The following NIBAN2 variants were observed in gnomAD, a reference collection of about 807,000 sequenced individuals.
NIBAN2 encodes the protein protein Niban 2.
A neutral mutation model predicts 81.8 loss-of-function variants in NIBAN2; 36 were observed. That is an observed-to-expected ratio of 0.44 (90% CI 0.34 to 0.58). The LOEUF (loss-of-function observed/expected upper bound fraction) is 0.58, where lower values mean the gene tolerates loss of function less well. Among genes scored for constraint, NIBAN2 ranks in the 20% least tolerant of loss-of-function variants. The pLI is 0.02. For synonymous variants in NIBAN2, 445 were observed against 441.6 expected, an observed-to-expected ratio of 1.01 and a Z score of -0.10; for missense variants, 897 against 1,014.1, an observed-to-expected ratio of 0.88 and a Z score of 1.57.
At chr9:127,553,182 T>C (rs1189173247) in intron 1 of NIBAN2, among the ~76,000 whole-genome samples, 2 of 152,336 alleles carry the variant, frequency 1.3e-5, no homozygotes, top group South Asian at 2.1e-4. Context: ...CTATTGCTTA[T>C]GTAACAATAA....
In NIBAN2 at chr9:127,510,326, G is replaced by A. The variant is rs1836712128; in HGVS notation, c.981C>T (p.Ile327=). 6.2e-7 allele frequency: 1 copy of A among 1,600,976 alleles called. No homozygotes were observed. Among genetic ancestry groups the A allele is most frequent in the Non-Finnish European group, 8.5e-7 (1 of 1,170,292 alleles). ...GCACGCACACCTCTGCCTTGGGGAG[G>A]ATGAAGGCTGTGCCCCGAGGGAGCC... ...EHLASKIRAF[I]LPKAEVCVRN... Residue 327 remains isoleucine (I), a synonymous_variant, in exon 9 of 14, where the codon ATC becomes ATT. Coordinates refer to ENST00000373312, the MANE Select transcript of NIBAN2 (RefSeq NM_022833.4).
rs1290522722 is a variant in NIBAN2, at chr9:127,510,072, CG to C, written c.1161+73del. On this transcript the variant is annotated intron_variant, in intron 9 of 13. Transcript: ENST00000373312. ...GGAGGGGAACGGCTGCCCGGAGTCA[CG>C]CAGCCGGGGCCCTCTGGGACAGACC... 2.2e-5 allele frequency: 31 copies of C among 1,401,292 alleles called. No homozygotes were observed. The East Asian group carries it at 5.5e-4, about 25-fold the overall frequency. 86.8% of individuals were successfully genotyped at this position (1,401,292 alleles called of 1,614,324 possible).
At chr9:127,569,249 C>T (rs1837916301), upstream of NIBAN2, among the ~76,000 whole-genome samples, 1 of 145,316 alleles carries the variant, frequency 6.9e-6, no homozygotes, top group Non-Finnish European at 1.5e-5. Flanking sequence ...CACCCAGCCC[C>T]TCCAGGGCCC....
Position 127,527,302 on chromosome 9 carries a change from G to T in NIBAN2, c.207C>A (p.Ile69=). ...GCTGGAAGAGGTTCCCCGAGAAGAC[G>T]ATGCGCTCGTCCAGTGGCACCTGTG... The part of the protein sequence containing the change: ...LWRKVPLDER[I]VFSGNLFQHQ... Residue 69 remains isoleucine (I), a synonymous_variant, in exon 3 of 14, where the codon ATC becomes ATA. Transcript: ENST00000373312. 1 of 1,613,602 alleles carries T rather than the reference G, an allele frequency of 6.2e-7. No individual in the cohort carries two copies. The highest frequency in any genetic ancestry group is 8.5e-7 in the Non-Finnish European group (1 of 1,179,910).
At chr9:127,568,388 G>C (rs937784545) in intron 1 of NIBAN2, among the ~76,000 whole-genome samples, 12 of 152,164 alleles carry the variant, frequency 7.9e-5, no homozygotes, top group Non-Finnish European at 1.2e-4. Flanking sequence ...AGCTGGGGAC[G>C]GGACGGCTGG....
chr9:127,559,589 C>T lies in NIBAN2; in HGVS notation c.55+9231G>A, dbSNP rs974568461. Among the ~76,000 whole-genome samples, 11 of 152,210 alleles carry T rather than the reference C, an allele frequency of 7.2e-5. No homozygotes were observed. The highest frequency in any genetic ancestry group is 2.2e-4 in the African/African-American group (9 of 41,458). On this transcript the variant is annotated intron_variant, in intron 1 of 13. Transcript: ENST00000373312. The surrounding 1 kb of genome is among the most constrained non-coding windows in gnomAD (Gnocchi z 4.0). The stretch of plus-strand genomic sequence containing the variant: ...TAGAAGGTGCTAAGCTTCACAAATT[C>T]GGCTGGACACAAATAGTTCTGCTCA...
chr9:127,520,653 C>T (rs781376804), intron 5 of NIBAN2, among the ~76,000 whole-genome samples: 18 of 152,260 alleles, frequency 1.2e-4, no homozygotes, highest in South Asian at 1.0e-3. Flanking sequence ...CAGTGACTCA[C>T]GCCTGTAATC....
intron 1 of NIBAN2, among the ~76,000 whole-genome samples, chr9:127,565,385 G>A (rs1277611954): frequency 6.6e-6 from 1 of 152,214 alleles, no homozygotes; most frequent in Non-Finnish European, 1.5e-5. Context: ...TGATGAAAAT[G>A]CTCCAACATT....
At chr9:127,527,136 G>A in intron 3 of NIBAN2, 58 bp downstream of exon 3, 1 of 1,595,840 alleles carries the variant, frequency 6.3e-7, no homozygotes, top group East Asian at 2.2e-5. Context: ...AGTTGGGGGA[G>A]GGGGCACACA....
chr9:127,568,697 C>A, intron 1 of NIBAN2, 123 bp downstream of exon 1: 1 of 879,386 alleles, frequency 1.1e-6, no homozygotes, highest in South Asian at 5.5e-5. Flanking sequence ...CCTGGCAGCT[C>A]CCACCGGCCC....
At chr9:127,547,940 G>A (rs997228674) in intron 1 of NIBAN2, among the ~76,000 whole-genome samples, 1 of 152,234 alleles carries the variant, frequency 6.6e-6, no homozygotes, top group Non-Finnish European at 1.5e-5. Flanking sequence ...CAGAGCCTGG[G>A]CAAATGTGGG....
chr9:127,549,338 TCA>T (rs1262501166), intron 1 of NIBAN2, among the ~76,000 whole-genome samples: 5 of 150,978 alleles, frequency 3.3e-5, no homozygotes, highest in African/African-American at 7.3e-5. Flanking sequence ...GCATGCACAC[TCA>T]CACTCACATG....
rs1837089745 is a variant in NIBAN2 at position 127,527,269 on chromosome 9, C to T, written c.240G>A (p.Glu80=). 1.2e-6 allele frequency: 2 copies of T among 1,613,876 alleles called. No individual in the cohort carries two copies. Among genetic ancestry groups the T allele is most frequent in the Non-Finnish European group, 1.7e-6 (2 of 1,180,004 alleles). Residue 80 remains glutamate, a synonymous_variant, in exon 3 of 14, where the codon GAG becomes GAA. Transcript: ENST00000373312. ...VFSGNLFQHQ[E]DSKKWRNRFS... is the part of the protein sequence containing the mutation. ...AGCGGTTTCTCCACTTCTTGCTGTC[C>T]TCCTGGTGCTGGAAGAGGTTCCCCG...
At chr9:127,578,290 C>T (rs1000778785) in intron 1 of NIBAN2, among the ~76,000 whole-genome samples, 2 of 143,262 alleles carry the variant, frequency 1.4e-5, no homozygotes, top group Admixed American at 7.5e-5. Flanking sequence ...AGGAGGCAGA[C>T]GATGCAGTGA....
rs1564298250 is a variant in NIBAN2 at position 127,517,229 on chromosome 9, G to A, written c.706-13C>T. On this transcript the variant is annotated splice_polypyrimidine_tract_variant and intron_variant, in intron 6 of 13. Transcript: ENST00000373312. This position sits in a 1 kb window ranked among gnomAD's most constrained non-coding sequence, Gnocchi z 4.0. ...GGTTGCTCAGGATCTAGGTTGAGGA[G>A]GCACAAGCCAGGCCAGGGGCTGGAG... is the stretch of plus-strand genomic sequence containing the variant. 3.1e-6 allele frequency: 5 copies of A among 1,611,576 alleles called. No individual in the cohort carries two copies. The highest frequency in any genetic ancestry group is 4.2e-6 in the Non-Finnish European group (5 of 1,178,508).
chr9:127,505,670 G>A lies in NIBAN2; in HGVS notation c.*1175C>T, dbSNP rs139129371. On this transcript the variant is annotated 3_prime_UTR_variant, in exon 14 of 14. Coordinates refer to ENST00000373312, the MANE Select transcript of NIBAN2 (RefSeq NM_022833.4). ...TGCCCCCCGCAAAGCAGCAGGGGAG[G>A]GGGCCTGGGGGTCCTGGGGTGGGGG... is the stretch of plus-strand genomic sequence containing the variant. The A allele has an allele frequency of 0.016, 2,495 of 152,428 alleles. 31 individuals carry two copies. Among genetic ancestry groups the A allele is most frequent in the Non-Finnish European group, 0.025 (1,723 of 68,136 alleles). The allele number at this position is 152,428 out of a possible 1,614,324, so 9.4% of individuals were successfully genotyped here. A position where few individuals can be genotyped will look rare whatever the true frequency, so the allele number is the denominator to read the frequency against.
At chr9:127,528,268 G>A (rs574631627) in intron 2 of NIBAN2, among the ~76,000 whole-genome samples, 29 of 152,326 alleles carry the variant, frequency 1.9e-4, no homozygotes, top group East Asian at 1.2e-3. Flanking sequence ...GGTGCAAGGC[G>A]TCCTGAGCAG....
At chr9:127,544,184 T>C (rs927661531) in intron 1 of NIBAN2, among the ~76,000 whole-genome samples, 4 of 152,202 alleles carry the variant, frequency 2.6e-5, no homozygotes, top group Non-Finnish European at 4.4e-5. Flanking sequence ...TGGTATCTTG[T>C]TCACTTCCGT....
Position 127,545,985 on chromosome 9 carries a change from T to C in NIBAN2, c.56-14207A>G, listed in dbSNP as rs1189169736. On this transcript the variant is annotated intron_variant, in intron 1 of 13. Transcript: ENST00000373312. This position sits in a 1 kb window ranked among gnomAD's most constrained non-coding sequence, Gnocchi z 4.7. Reference sequence around the variant, plus strand: ...GCCGTCTGGGAACACAGATCCTCGCTGGGAGGGCAGCCCAGGGGGTGCCGA... The same window carrying C: ...GCCGTCTGGGAACACAGATCCTCGCCGGGAGGGCAGCCCAGGGGGTGCCGA... 6.6e-6 allele frequency among the ~76,000 whole-genome samples: 1 copy of C among 152,052 alleles called. No homozygotes were observed. Among genetic ancestry groups the C allele is most frequent in the Non-Finnish European group, 1.5e-5 (1 of 67,978 alleles).
Sources: gnomAD v4.1 joint callset for allele counts (sites outside exome capture counted in the v4.1 genomes callset) on GRCh38, gnomAD v4.1.1 for gene constraint, Gnocchi (gnomAD v3.1) non-coding constraint, MANE v1.5 for transcripts, NCBI Gene and HGNC (gene_info 2026-07-23, HGNC 2026-07-21) for gene names.